The following GABARAPL2 variants were observed in gnomAD, a reference collection of about 807,000 sequenced individuals.
GABARAPL2 encodes the protein gamma-aminobutyric acid receptor-associated protein-like 2.
A neutral mutation model predicts 16.9 loss-of-function variants in GABARAPL2; 11 were observed. The ratio of observed to expected loss-of-function variants is 0.65; its 90% CI spans 0.41 to 1.08. The LOEUF is 1.08. Among genes scored for constraint, GABARAPL2 ranks in the 50% least tolerant of loss-of-function variants. GABARAPL2 has a pLI of 0.00. For synonymous variants in GABARAPL2, 57 were observed against 50.7 expected (o/e 1.12, Z -0.53); for missense variants, 134 against 142.5 (o/e 0.94, Z 0.30).
intron 3 of GABARAPL2, chr16:75,577,020 G>A (rs1285144070): frequency 2.7e-6 from 1 of 363,932 alleles, no homozygotes; most frequent in Non-Finnish European, 5.0e-6. Flanking sequence ...GCATCCATGT[G>A]TTAGCCAGCC....
At chr16:75,567,422 ATGT>A (rs1213841466) in intron 2 of GABARAPL2, among the ~76,000 whole-genome samples, 1 of 152,206 alleles carries the variant, frequency 6.6e-6, no homozygotes, top group Non-Finnish European at 1.5e-5. Flanking sequence ...AATAAATATA[ATGT>A]TATATTTCTT....
chr16:75,574,455 G>A (rs1219008981), intron 3 of GABARAPL2, among the ~76,000 whole-genome samples: 3 of 152,136 alleles, frequency 2.0e-5, no homozygotes, highest in Non-Finnish European at 4.4e-5. Flanking sequence ...AGATCACCCT[G>A]GACACTTGGA....
chr16:75,566,416 G>C lies in GABARAPL2; in HGVS notation c.-71G>C. On this transcript the variant is annotated 5_prime_UTR_variant, in exon 1 of 4. Coordinates refer to ENST00000037243, the MANE Select transcript of GABARAPL2 (RefSeq NM_007285.7). The stretch of plus-strand genomic sequence containing the variant: ...CGCTGCCGCTGCCGCTGCCGCCGTC[G>C]TTGTTGTTGTGCTCGGTGCGCTGAG... 2.5e-6 allele frequency: 3 copies of C among 1,179,318 alleles called. No individual in the cohort carries two copies. Among genetic ancestry groups the C allele is most frequent in the Non-Finnish European group, 3.7e-6 (3 of 809,198 alleles). The allele number at this position is 1,179,318 out of a possible 1,614,324, so 73.1% of individuals were successfully genotyped here. A position where few individuals can be genotyped will look rare whatever the true frequency, so the allele number is the denominator to read the frequency against.
chr16:75,575,080 G>A lies in GABARAPL2; in HGVS notation c.264-2199G>A, dbSNP rs2080939838. 2.0e-5 allele frequency among the ~76,000 whole-genome samples: 3 copies of A among 151,956 alleles called. No individual in the cohort carries two copies. In the South Asian group the frequency reaches 6.2e-4, roughly 32 times the overall value. On this transcript the variant is annotated intron_variant, in intron 3 of 3. Transcript: ENST00000037243. ...GATGATTTCATTGGTCTGGGGTAGG[G>A]CTTGGGCACAGAGATGTTTTTAAAG...
intron 3 of GABARAPL2, 155 bp from the exon 4 acceptor site, chr16:75,577,124 T>C (rs1330000107): frequency 1.7e-5 from 10 of 580,352 alleles, no homozygotes; most frequent in Non-Finnish European, 2.5e-5. Flanking sequence ...TTTTAATCTT[T>C]TTATGGCTCC....
chr16:75,573,735 C>T (rs2080930453), intron 3 of GABARAPL2, among the ~76,000 whole-genome samples: 1 of 152,208 alleles, frequency 6.6e-6, no homozygotes, highest in Non-Finnish European at 1.5e-5. Context: ...AAGATCTCTG[C>T]AGAAGGTACA....
chr16:75,567,952 A>G lies in GABARAPL2; in HGVS notation c.91-85A>G, dbSNP rs1017076324. Reference sequence around the variant, plus strand: ...CAGTTCCCCACCCACCTCCTTGCCCACACTCTGTTCATCAGCTCCTCAGCC... The same window carrying G: ...CAGTTCCCCACCCACCTCCTTGCCCGCACTCTGTTCATCAGCTCCTCAGCC... On this transcript the variant is annotated intron_variant, in intron 2 of 3. Coordinates refer to ENST00000037243, the MANE Select transcript of GABARAPL2 (RefSeq NM_007285.7). 6.7e-6 allele frequency: 7 copies of G among 1,038,382 alleles called. No individual in the cohort carries two copies. The East Asian group carries it at 1.7e-4, about 25-fold the overall frequency. 64.3% of individuals were successfully genotyped at this position (1,038,382 alleles called of 1,614,324 possible).
At chr16:75,567,135 C>G in intron 2 of GABARAPL2, among the ~76,000 whole-genome samples, 1 of 152,338 alleles carries the variant, frequency 6.6e-6, no homozygotes, top group African/African-American at 2.4e-5. Flanking sequence ...AGCGAGCCGT[C>G]TGCAGCCTCG....
In GABARAPL2 at chr16:75,566,409, C is replaced by G. The variant is rs569127449; in HGVS notation, c.-78C>G. On this transcript the variant is annotated 5_prime_UTR_variant, in exon 1 of 4. Transcript: ENST00000037243. Reference sequence around the variant, plus strand: ...CCGCCGTCGCTGCCGCTGCCGCTGCCGCCGTCGTTGTTGTTGTGCTCGGTG... The same window carrying G: ...CCGCCGTCGCTGCCGCTGCCGCTGCGGCCGTCGTTGTTGTTGTGCTCGGTG... The G allele has an allele frequency of 3.6e-6, 4 of 1,111,770 alleles. No individual in the cohort carries two copies. The Admixed American group carries it at 7.9e-5, about 22-fold the overall frequency. The allele number at this position is 1,111,770 out of a possible 1,614,324, so 68.9% of individuals were successfully genotyped here.
Position 75,566,534 on chromosome 16 carries a change from C to A in GABARAPL2, c.34+14C>A. ...ACCACTCGCTGGGTAAGCACTTGGT[C>A]GTCGGCCCGGCTGCTGGGGGCTGGG... is the stretch of plus-strand genomic sequence containing the variant. On this transcript the variant is annotated intron_variant, in intron 1 of 3. Transcript: ENST00000037243. 1 of 1,607,574 alleles carries A rather than the reference C, an allele frequency of 6.2e-7. No individual in the cohort carries two copies. The highest frequency in any genetic ancestry group is 2.3e-5 in the East Asian group (1 of 44,218).
At chr16:75,566,719 G>A (rs1210273244) in intron 1 of GABARAPL2, 133 bp from the exon 2 acceptor site, 2 of 1,000,758 alleles carry the variant, frequency 2.0e-6, no homozygotes, top group Non-Finnish European at 3.1e-6. Flanking sequence ...GCTAGTAGGG[G>A]ACAGGACCGC....
At chr16:75,570,142 T>C (rs1221790730) in intron 3 of GABARAPL2, among the ~76,000 whole-genome samples, 3 of 152,084 alleles carry the variant, frequency 2.0e-5, no homozygotes, top group African/African-American at 7.2e-5. Flanking sequence ...GTTGCCCAGA[T>C]TGCAGTGCAG....
intron 2 of GABARAPL2, 146 bp downstream of exon 2, chr16:75,567,053 A>G (rs1438398307): frequency 1.4e-6 from 1 of 710,072 alleles, no homozygotes; most frequent in South Asian, 1.6e-5. Context: ...GAGGCCGCCC[A>G]GGGCCGGGGC....
intron 3 of GABARAPL2, among the ~76,000 whole-genome samples, chr16:75,571,324 G>A (rs926430317): frequency 6.6e-6 from 1 of 152,182 alleles, no homozygotes; most frequent in Non-Finnish European, 1.5e-5. Flanking sequence ...AACCTGTGCT[G>A]TTTAAGAATA....
At chr16:75,568,527 T>C (rs2080897066) in intron 3 of GABARAPL2, 1 of 184,408 alleles carries the variant, frequency 5.4e-6, no homozygotes, top group African/African-American at 2.3e-5. Flanking sequence ...GAAATGAGGT[T>C]TTCTTCCCTG....
In GABARAPL2 at chr16:75,568,075, C is replaced by T. The variant is rs1463560482; in HGVS notation, c.129C>T (p.Asp43=). Residue 43 remains aspartate, a synonymous_variant, in exon 3 of 4, where the codon GAC becomes GAT. Coordinates refer to ENST00000037243, the MANE Select transcript of GABARAPL2 (RefSeq NM_007285.7). ...AGGTCTCAGGCTCTCAGATTGTTGA[C>T]ATTGACAAACGGAAGTACTTGGTTC... is the stretch of plus-strand genomic sequence containing the variant. The part of the protein sequence containing the change: ...VEKVSGSQIV[D]IDKRKYLVPS... 6.2e-7 allele frequency: 1 copy of T among 1,609,920 alleles called. No homozygotes were observed. Among genetic ancestry groups the T allele is most frequent in the South Asian group, 1.1e-5 (1 of 90,984 alleles).
intron 3 of GABARAPL2, chr16:75,572,178 A>C (rs2080919259): frequency 6.6e-6 from 1 of 152,186 alleles, no homozygotes; most frequent in Non-Finnish European, 1.5e-5. Flanking sequence ...AAAAAGGAAC[A>C]ACAACCAGTG....
intron 2 of GABARAPL2, 22 bp downstream of exon 2, chr16:75,566,929 T>A: frequency 6.2e-7 from 1 of 1,600,024 alleles, no homozygotes; most frequent in Middle Eastern, 1.7e-4. Flanking sequence ...CTCCGCCCCC[T>A]CACCTCGCTG....
At chr16:75,570,979 T>C (rs2080910770) in intron 3 of GABARAPL2, among the ~76,000 whole-genome samples, 1 of 152,212 alleles carries the variant, frequency 6.6e-6, no homozygotes, top group Admixed American at 6.5e-5. Context: ...CAGTGAATGG[T>C]CTTTGGTCTT....
Sources: allele counts gnomAD v4.1 joint callset (sites outside exome capture counted in the v4.1 genomes callset), GRCh38; gene constraint gnomAD v4.1.1; transcripts MANE v1.5; gene names NCBI Gene and HGNC (gene_info 2026-07-23, HGNC 2026-07-21).